The following CNTN3 variants were observed in gnomAD, a reference collection of about 807,000 sequenced individuals.
CNTN3 encodes the protein contactin-3.
A neutral mutation model predicts 119.1 loss-of-function variants in CNTN3; 60 were observed. The observed-to-expected ratio is 0.50, with a 90% CI of 0.41 to 0.62. CNTN3 has a LOEUF of 0.62. Ranked by LOEUF, CNTN3 falls within the 20% of genes least tolerant of loss-of-function variation. The pLI is 0.00. For synonymous variants in CNTN3, 450 were observed against 438.7 expected (o/e 1.03, Z -0.32); for missense variants, 1,101 against 1,242.4 (o/e 0.89, Z 1.71).
chr3:74,487,860 T>C (rs1488573341), intron 3 of CNTN3, among the ~76,000 whole-genome samples: 1 of 151,974 alleles, frequency 6.6e-6, no homozygotes, highest in African/African-American at 2.4e-5. Flanking sequence ...CATAAAAAGG[T>C]AAATTAAAAA....
At chr3:74,499,599 C>A in intron 3 of CNTN3, 60 bp downstream of exon 3, 1 of 1,489,872 alleles carries the variant, frequency 6.7e-7, no homozygotes, top group Non-Finnish European at 8.9e-7. Flanking sequence ...AAAAAATTCA[C>A]AATCACCACA....
chr3:74,290,511 C>G (rs1372323628), intron 19 of CNTN3, among the ~76,000 whole-genome samples: 1 of 152,144 alleles, frequency 6.6e-6, no homozygotes, highest in African/African-American at 2.4e-5. Flanking sequence ...GCACTCTGTT[C>G]GGTTTGGAAT....
At chr3:74,527,163 A>C (rs570523372) in intron 1 of CNTN3, among the ~76,000 whole-genome samples, 76 of 152,112 alleles carry the variant, frequency 5.0e-4, no homozygotes, top group Non-Finnish European at 9.1e-4. Flanking sequence ...AATTTTATGA[A>C]AATGGAAATA....
At chr3:74,316,690 C>T (rs112760857) in intron 13 of CNTN3, among the ~76,000 whole-genome samples, 3,382 of 152,008 alleles carry the variant, frequency 0.022, 129 homozygotes, top group African/African-American at 0.075. Context: ...CTTTGGGAGG[C>T]CGAGGTGGGC....
intron 12 of CNTN3, 31 bp downstream of exon 12, chr3:74,336,500 A>G: frequency 1.2e-6 from 2 of 1,607,626 alleles, no homozygotes. Context: ...GTGAATCCGT[A>G]TGTAAAGCAA....
At chr3:74,580,091 A>G (rs1372048228) in intron 1 of CNTN3, among the ~76,000 whole-genome samples, 3 of 152,214 alleles carry the variant, frequency 2.0e-5, no homozygotes, top group African/African-American at 7.2e-5. Context: ...AGATGACAAT[A>G]AGAGCAGACA....
intron 5 of CNTN3, among the ~76,000 whole-genome samples, chr3:74,395,496 A>G (rs903361113): frequency 1.3e-5 from 2 of 152,138 alleles, no homozygotes; most frequent in Admixed American, 1.3e-4. Context: ...AGTGGCTAGT[A>G]TTTAGTAAAG....
At chr3:74,425,511 T>C (rs938677038) in intron 4 of CNTN3, among the ~76,000 whole-genome samples, 2 of 152,270 alleles carry the variant, frequency 1.3e-5, no homozygotes, top group African/African-American at 2.4e-5. Context: ...GTTGCTGAAA[T>C]AGTGTCTAAA....
At chr3:74,446,962 C>T (rs1261588287) in intron 4 of CNTN3, among the ~76,000 whole-genome samples, 1 of 152,060 alleles carries the variant, frequency 6.6e-6, no homozygotes, top group Non-Finnish European at 1.5e-5. Flanking sequence ...GGATGTAATA[C>T]AAAATAGTTG....
Position 74,366,780 on chromosome 3 carries a change from G to GTGTA in CNTN3, c.947-1079_947-1078insTACA, listed in dbSNP as rs1447686332. 7.0e-3 allele frequency among the ~76,000 whole-genome samples: 446 copies of GTGTA among 63,716 alleles called. 7 individuals are homozygous for GTGTA. The highest frequency in any genetic ancestry group is 0.028 in the African/African-American group (331 of 11,776). 41.8% of individuals were successfully genotyped at this position (63,716 alleles called of 152,430 possible). On this transcript the variant is annotated intron_variant, in intron 8 of 22. Transcript: ENST00000263665. ...TGTGCGTGTGTGTGTGTGTGTGTGT[G>GTGTA]TATATATATATATATATATATATAT...
chr3:74,376,250 C>T (rs142480570), intron 5 of CNTN3, among the ~76,000 whole-genome samples: 7 of 152,248 alleles, frequency 4.6e-5, no homozygotes, highest in African/African-American at 1.7e-4. Flanking sequence ...GTGCCCAATC[C>T]CCCTGGTTCA....
At chr3:74,270,820 T>C (rs1262370842) in intron 20 of CNTN3, among the ~76,000 whole-genome samples, 5 of 152,194 alleles carry the variant, frequency 3.3e-5, no homozygotes, top group Non-Finnish European at 4.4e-5. Flanking sequence ...TCAACGTTCA[T>C]ATCCTATAGG....
chr3:74,466,145 G>A (rs779212493), intron 4 of CNTN3, among the ~76,000 whole-genome samples: 4 of 152,166 alleles, frequency 2.6e-5, no homozygotes, highest in Non-Finnish European at 5.9e-5. Flanking sequence ...GTCAGAAGGA[G>A]AGAAACATGG....
chr3:74,551,592 G>A lies in CNTN3; in HGVS notation c.-80-30400C>T, dbSNP rs927618441. Among the ~76,000 whole-genome samples the A allele has an allele frequency of 2.6e-5, 4 of 151,776 alleles. No individual in the cohort carries two copies. The South Asian group carries it at 8.3e-4, about 32-fold the overall frequency. On this transcript the variant is annotated intron_variant, in intron 1 of 22. Coordinates refer to ENST00000263665, the MANE Select transcript of CNTN3 (RefSeq NM_020872.3). ...AGTAACATGCAGGAATCGTTTCACTGCCCTAAAAATCATCAGCATCTCACC... is the reference window on the plus strand; with the variant it reads ...AGTAACATGCAGGAATCGTTTCACTACCCTAAAAATCATCAGCATCTCACC...
intron 4 of CNTN3, among the ~76,000 whole-genome samples, chr3:74,447,170 C>T (rs1199386319): frequency 6.6e-6 from 1 of 152,122 alleles, no homozygotes; most frequent in African/African-American, 2.4e-5. Flanking sequence ...CATCACCATA[C>T]TTAGGCTTGA....
intron 1 of CNTN3, among the ~76,000 whole-genome samples, chr3:74,576,891 C>T (rs1452489662): frequency 2.0e-5 from 3 of 152,136 alleles, no homozygotes; most frequent in African/African-American, 7.2e-5. Flanking sequence ...TAAACTCCCA[C>T]TTAAAAGCTT....
chr3:74,493,962 G>C (rs1050706410), intron 3 of CNTN3, among the ~76,000 whole-genome samples: 1 of 152,102 alleles, frequency 6.6e-6, no homozygotes, highest in African/African-American at 2.4e-5. Context: ...ACATAAAACA[G>C]ATTAGAGAGC....
chr3:74,382,529 C>A (rs112676777), intron 5 of CNTN3, among the ~76,000 whole-genome samples: 2 of 152,116 alleles, frequency 1.3e-5, no homozygotes, highest in Admixed American at 1.3e-4. Flanking sequence ...CCAACTCCCC[C>A]ACCACCAGCC....
At chr3:74,338,496 G>GTC (rs1703454459) in intron 11 of CNTN3, among the ~76,000 whole-genome samples, 1 of 12,096 alleles carries the variant, frequency 8.3e-5, no homozygotes, top group Non-Finnish European at 1.2e-4. Flanking sequence ...ACACACGTGC[G>GTC]TGTGTGTGTG....
Sources: gnomAD v4.1 joint callset for allele counts (sites outside exome capture counted in the v4.1 genomes callset) on GRCh38, gnomAD v4.1.1 for gene constraint, MANE v1.5 for transcripts, NCBI Gene and HGNC (gene_info 2026-07-23, HGNC 2026-07-21) for gene names.